The following XNDC1N variants were observed in gnomAD, a reference collection of about 807,000 sequenced individuals.
XNDC1N encodes protein XNDC1N.
At chr11:71,907,396 C>T in the XNDC1N span, among the ~76,000 whole-genome samples, 5 of 151,404 alleles carry the variant, frequency 3.3e-5, no homozygotes, top group Non-Finnish European at 7.4e-5. Context: ...TCTTGCCCCC[C>T]TGGCTCTTAA....
At chr11:71,865,601 A>T in the XNDC1N span, 1 of 175,402 alleles carries the variant, frequency 5.7e-6, no homozygotes, top group African/African-American at 2.4e-5. Context: ...TAGGCAGAGG[A>T]GCCTCTAATT....
At chr11:71,911,161 C>G in the XNDC1N span, among the ~76,000 whole-genome samples, 1 of 152,226 alleles carries the variant, frequency 6.6e-6, no homozygotes, top group South Asian at 2.1e-4. Context: ...AATAAGTTGA[C>G]TGTTGGGCAA....
the XNDC1N span, among the ~76,000 whole-genome samples, chr11:71,904,650 C>T: frequency 1.3e-5 from 2 of 152,068 alleles, no homozygotes; most frequent in African/African-American, 2.4e-5. Context: ...ACCTTTTGCG[C>T]ACACTTTGTG....
At chr11:71,907,214 C>T in the XNDC1N span, among the ~76,000 whole-genome samples, 2 of 152,082 alleles carry the variant, frequency 1.3e-5, no homozygotes, top group African/African-American at 4.8e-5. Context: ...AACAGTGACA[C>T]ATTCCTAGAA....
chr11:71,888,577 T>G, the XNDC1N span, among the ~76,000 whole-genome samples: 1 of 152,154 alleles, frequency 6.6e-6, no homozygotes, highest in African/African-American at 2.4e-5. Context: ...GAACCCAGAC[T>G]GTGGGGCCCA....
the XNDC1N span, among the ~76,000 whole-genome samples, chr11:71,911,833 C>T: frequency 1.3e-5 from 2 of 152,122 alleles, no homozygotes; most frequent in Non-Finnish European, 1.5e-5. Context: ...GGGGAATTCC[C>T]GCGCTGACTC....
chr11:71,910,036 G>A, the XNDC1N span, among the ~76,000 whole-genome samples: 58 of 152,254 alleles, frequency 3.8e-4, 1 homozygote, highest in South Asian at 2.1e-4. Flanking sequence ...CAGTGAAGAC[G>A]GGCCCAGCCG....
At chr11:71,885,977 T>C in the XNDC1N span, among the ~76,000 whole-genome samples, 4 of 151,928 alleles carry the variant, frequency 2.6e-5, no homozygotes, top group South Asian at 8.3e-4. Context: ...TTGATAATTA[T>C]TAGTGTCAAT....
At chr11:71,921,908 T>C in the XNDC1N span, among the ~76,000 whole-genome samples, 2 of 152,102 alleles carry the variant, frequency 1.3e-5, no homozygotes, top group African/African-American at 4.8e-5. Flanking sequence ...CACCTGTAAA[T>C]CTCAGCACTC....
chr11:71,895,793 C>T, the XNDC1N span, among the ~76,000 whole-genome samples: 1 of 152,192 alleles, frequency 6.6e-6, no homozygotes, highest in Non-Finnish European at 1.5e-5. Context: ...AAAATATTTG[C>T]TCTTCAGAAA....
At chr11:71,928,178 G>A in the XNDC1N span, 2 of 471,586 alleles carry the variant, frequency 4.2e-6, no homozygotes, top group South Asian at 2.6e-5. Flanking sequence ...GACAGCCTAA[G>A]TAAGACGCGG....
chr11:71,905,100 T>C, the XNDC1N span, among the ~76,000 whole-genome samples: 1 of 152,060 alleles, frequency 6.6e-6, no homozygotes, highest in South Asian at 2.1e-4. Flanking sequence ...GAGTCCCATT[T>C]TCCTAGGATA....
the XNDC1N span, among the ~76,000 whole-genome samples, chr11:71,920,696 T>C: frequency 6.6e-6 from 1 of 152,196 alleles, no homozygotes; most frequent in Admixed American, 6.5e-5. Flanking sequence ...AACTGATGCT[T>C]AGATATAAAG....
the XNDC1N span, among the ~76,000 whole-genome samples, chr11:71,879,646 C>T: frequency 6.6e-6 from 1 of 151,780 alleles, no homozygotes; most frequent in African/African-American, 2.4e-5. Context: ...TATTCATTGC[C>T]TTAAAGTGTT....
the XNDC1N span, among the ~76,000 whole-genome samples, chr11:71,893,180 T>C: frequency 1.3e-5 from 2 of 152,226 alleles, no homozygotes; most frequent in African/African-American, 2.4e-5. Context: ...GTAGGCCGTA[T>C]TTTACTGAGA....
chr11:71,893,937 C>G, the XNDC1N span: 1 of 1,086,792 alleles, frequency 9.2e-7, no homozygotes, highest in Non-Finnish European at 1.3e-6. Flanking sequence ...TGTTGGATTC[C>G]CAGCTGCACA....
At chr11:71,898,943 T>A in the XNDC1N span, among the ~76,000 whole-genome samples, 1 of 152,078 alleles carries the variant, frequency 6.6e-6, no homozygotes, top group Non-Finnish European at 1.5e-5. Context: ...TTTCCCATAA[T>A]AAAAGATGAA....
chr11:71,924,215 T>C, the XNDC1N span, among the ~76,000 whole-genome samples: 1 of 152,170 alleles, frequency 6.6e-6, no homozygotes, highest in East Asian at 1.9e-4. Context: ...TGCTGATTTA[T>C]TGCAAAACCC....
chr11:71,907,219 C>T, the XNDC1N span, among the ~76,000 whole-genome samples: 1 of 151,978 alleles, frequency 6.6e-6, no homozygotes. Flanking sequence ...TGACACATTC[C>T]TAGAATATGG....
Sources: gnomAD v4.1 joint callset for allele counts (sites outside exome capture counted in the v4.1 genomes callset) on GRCh38, gnomAD v4.1.1 for gene constraint, MANE v1.5 for transcripts, NCBI Gene and HGNC (gene_info 2026-07-23, HGNC 2026-07-21) for gene names.